The following LOC128125817 variants were observed in gnomAD, a reference collection of about 807,000 sequenced individuals.
At chr1:41,593,227 C>A in the LOC128125817 span, among the ~76,000 whole-genome samples, 13 of 152,182 alleles carry the variant, frequency 8.5e-5, no homozygotes, top group Non-Finnish European at 1.5e-4. Context: ...TCTCCCTGTC[C>A]CCACATGCCC....
the LOC128125817 span, among the ~76,000 whole-genome samples, chr1:41,628,295 G>C: frequency 6.6e-6 from 1 of 152,200 alleles, no homozygotes; most frequent in South Asian, 2.1e-4. Context: ...AACTCCCGTG[G>C]TGCTCCTCTG....
At chr1:41,585,454 G>A in the LOC128125817 span, 605 of 397,314 alleles carry the variant, frequency 1.5e-3, 9 homozygotes, top group East Asian at 0.019. Context: ...GTTAACCAGG[G>A]AAACTCAAGC....
At chr1:41,614,340 T>C in the LOC128125817 span, among the ~76,000 whole-genome samples, 1 of 152,216 alleles carries the variant, frequency 6.6e-6, no homozygotes, top group East Asian at 1.9e-4. Context: ...ATTTCTGAGA[T>C]GATCTCAAAG....
chr1:41,587,069 G>A, the LOC128125817 span, among the ~76,000 whole-genome samples: 3 of 152,136 alleles, frequency 2.0e-5, no homozygotes, highest in Admixed American at 1.3e-4. Flanking sequence ...GGGAGATTTG[G>A]TCCATTATGG....
chr1:41,626,908 C>T, the LOC128125817 span, among the ~76,000 whole-genome samples: 70 of 152,312 alleles, frequency 4.6e-4, no homozygotes, highest in Middle Eastern at 3.4e-3. Context: ...AGAGGCTCTG[C>T]CCCTTACCAT....
chr1:41,616,582 T>TC, the LOC128125817 span, among the ~76,000 whole-genome samples: 1 of 151,018 alleles, frequency 6.6e-6, no homozygotes, highest in Non-Finnish European at 1.5e-5. Context: ...TTTTTTTTTT[T>TC]TTCAAACAGG....
At chr1:41,587,836 C>T in the LOC128125817 span, among the ~76,000 whole-genome samples, 1 of 152,196 alleles carries the variant, frequency 6.6e-6, no homozygotes, top group Non-Finnish European at 1.5e-5. Context: ...TAGAAGTTCT[C>T]TGTGGCTTCT....
chr1:41,612,796 C>T, the LOC128125817 span, among the ~76,000 whole-genome samples: 2 of 152,242 alleles, frequency 1.3e-5, no homozygotes, highest in Admixed American at 1.3e-4. Context: ...GTGCCTCCTT[C>T]AGGGTACCAC....
the LOC128125817 span, among the ~76,000 whole-genome samples, chr1:41,591,770 T>G: frequency 6.6e-6 from 1 of 152,126 alleles, no homozygotes; most frequent in Non-Finnish European, 1.5e-5. Context: ...CCTCGATTAC[T>G]GCCAAATAGA....
At chr1:41,613,745 A>G in the LOC128125817 span, among the ~76,000 whole-genome samples, 1 of 152,234 alleles carries the variant, frequency 6.6e-6, no homozygotes, top group Non-Finnish European at 1.5e-5. Context: ...AACCATCCCA[A>G]TGATGTAATT....
the LOC128125817 span, among the ~76,000 whole-genome samples, chr1:41,586,403 C>A: frequency 6.6e-6 from 1 of 152,368 alleles, no homozygotes; most frequent in South Asian, 2.1e-4. Flanking sequence ...GTGTTGCTAA[C>A]AGGCAGTGTT....
chr1:41,594,990 A>G, the LOC128125817 span, among the ~76,000 whole-genome samples: 2 of 151,818 alleles, frequency 1.3e-5, no homozygotes, highest in Admixed American at 1.3e-4. Flanking sequence ...TGAATAGTCC[A>G]CCTCCCCACC....
chr1:41,593,497 A>G, the LOC128125817 span, among the ~76,000 whole-genome samples: 1 of 152,304 alleles, frequency 6.6e-6, no homozygotes, highest in Non-Finnish European at 1.5e-5. Flanking sequence ...TCTTCTGCAT[A>G]CTTGTATGAG....
At chr1:41,627,888 C>T in the LOC128125817 span, among the ~76,000 whole-genome samples, 1 of 151,764 alleles carries the variant, frequency 6.6e-6, no homozygotes, top group Non-Finnish European at 1.5e-5. Context: ...CCATCCCTCC[C>T]TCCCTCCCTT....
At chr1:41,589,204 C>T in the LOC128125817 span, among the ~76,000 whole-genome samples, 1 of 152,192 alleles carries the variant, frequency 6.6e-6, no homozygotes, top group Non-Finnish European at 1.5e-5. Context: ...GCTGGGCCAA[C>T]AGAGGCCTGA....
chr1:41,603,563 T>C, the LOC128125817 span, among the ~76,000 whole-genome samples: 6,197 of 152,166 alleles, frequency 0.041, 156 homozygotes, highest in Middle Eastern at 0.082. Flanking sequence ...TTTCACCATG[T>C]TGGCCAAGCT....
the LOC128125817 span, among the ~76,000 whole-genome samples, chr1:41,590,847 C>T: frequency 6.6e-6 from 1 of 152,174 alleles, no homozygotes; most frequent in Non-Finnish European, 1.5e-5. Context: ...TGCGGCAACA[C>T]AGCACAGCGA....
At chr1:41,592,264 GTC>G in the LOC128125817 span, among the ~76,000 whole-genome samples, 2 of 152,218 alleles carry the variant, frequency 1.3e-5, 1 homozygote, top group South Asian at 4.1e-4. Context: ...GAACACACAG[GTC>G]TACTGTGTGA....
At chr1:41,625,445 G>T in the LOC128125817 span, among the ~76,000 whole-genome samples, 22 of 152,210 alleles carry the variant, frequency 1.4e-4, no homozygotes, top group Admixed American at 1.4e-3. Flanking sequence ...CAGCAGCCTG[G>T]ATTAGGCCCA....
Sources: allele counts gnomAD v4.1 joint callset (sites outside exome capture counted in the v4.1 genomes callset), GRCh38; gene constraint gnomAD v4.1.1; transcripts MANE v1.5.